PYROXD2: variants seen among roughly 807,000 people sequenced by gnomAD.
PYROXD2 encodes pyridine nucleotide-disulfide oxidoreductase domain-containing protein 2.
A neutral mutation model predicts 71.1 loss-of-function variants in PYROXD2; 69 were observed. That is an observed-to-expected ratio of 0.97 (90% CI 0.80 to 1.19). The LOEUF (loss-of-function observed/expected upper bound fraction) is 1.19, where lower values mean the gene tolerates loss of function less well. Among genes scored for constraint, PYROXD2 ranks in the 50% most tolerant of loss-of-function variants. The probability of loss-of-function intolerance (pLI) is 0.00; values close to 1 mark genes in which losing one functional copy is unlikely to be tolerated. For synonymous variants in PYROXD2, 287 were observed against 302.7 expected (o/e 0.95, Z 0.54); for missense variants, 745 against 748.9 (o/e 0.99, Z 0.06).
intron 11 of PYROXD2, 67 bp downstream of exon 11, chr10:98,390,943 C>G: frequency 7.0e-7 from 1 of 1,419,542 alleles, no homozygotes. Flanking sequence ...TCAGCTGCCC[C>G]CAGCCTGGAG....
chr10:98,397,318 T>G, intron 6 of PYROXD2, 27 bp downstream of exon 6: 1 of 1,554,856 alleles, frequency 6.4e-7, no homozygotes, highest in Non-Finnish European at 8.7e-7. Flanking sequence ...TCACTCATCA[T>G]GCCCTGGTGC....
chr10:98,408,699 C>T (rs1031840182), intron 2 of PYROXD2, among the ~76,000 whole-genome samples: 1 of 152,118 alleles, frequency 6.6e-6, no homozygotes, highest in African/African-American at 2.4e-5. Flanking sequence ...GTGGAAAAAT[C>T]AATAAATATT....
intron 4 of PYROXD2, among the ~76,000 whole-genome samples, chr10:98,404,572 A>C (rs536742665): frequency 6.6e-5 from 10 of 152,210 alleles, no homozygotes; most frequent in South Asian, 6.2e-4. Context: ...AAAAAAACCC[A>C]AAAAAACAAA....
rs1564789014 is a variant in PYROXD2, at chr10:98,385,075, G to A, written c.1555-8C>T. ...GGCGCAGTGGAATATGTTCTGCAGA[G>A]GCAGGGCCACAGTCATCAGCACAGG... On this transcript the variant is annotated splice_region_variant and splice_polypyrimidine_tract_variant and intron_variant, in intron 14 of 15. Coordinates refer to ENST00000370575, the MANE Select transcript of PYROXD2 (RefSeq NM_032709.3). The A allele has an allele frequency of 6.2e-7, 1 of 1,613,488 alleles. No homozygotes were observed. The highest frequency in any genetic ancestry group is 8.5e-7 in the Non-Finnish European group (1 of 1,179,862).
intron 7 of PYROXD2, 36 bp from the exon 8 acceptor site, chr10:98,395,329 G>T (rs369356386): frequency 1.9e-6 from 3 of 1,613,282 alleles, no homozygotes; most frequent in East Asian, 4.5e-5. Context: ...GGGCTTAGGA[G>T]CCTGGATGGG....
rs1283463475 is a variant in PYROXD2 at position 98,407,627 on chromosome 10, C to G, written c.270G>C (p.Leu90=). Residue 90 remains leucine, a synonymous_variant, in exon 4 of 16, where the codon CTG becomes CTC. Coordinates refer to ENST00000370575, the MANE Select transcript of PYROXD2 (RefSeq NM_032709.3). ...AAATCTGCGGCCTCAGCAGGCTGAG[C>G]AGGTAGGACGCGCGGGAGAACTTAA... The part of the protein sequence containing the change: ...PGFKFSRASY[L]LSLLRPQIYT... The G allele has an allele frequency of 6.2e-7, 1 of 1,613,836 alleles. No individual in the cohort carries two copies. The highest frequency in any genetic ancestry group is 1.7e-5 in the Admixed American group (1 of 59,964).
intron 8 of PYROXD2, 127 bp downstream of exon 8, chr10:98,395,069 C>G (rs1380552246): frequency 6.4e-6 from 5 of 777,566 alleles, no homozygotes; most frequent in African/African-American, 3.4e-5. Flanking sequence ...GTGCCTGGCT[C>G]GGTTCCTGGC....
At chr10:98,385,468 C>T (rs1842720482) in intron 14 of PYROXD2, among the ~76,000 whole-genome samples, 1 of 152,366 alleles carries the variant, frequency 6.6e-6, no homozygotes, top group Admixed American at 6.5e-5. Context: ...TGTCCAAGCT[C>T]CAGCAGGATC....
chr10:98,411,825 A>G (rs1027399440), intron 1 of PYROXD2: 1 of 152,260 alleles, frequency 6.6e-6, no homozygotes, highest in African/African-American at 2.4e-5. Context: ...CCATATGAGA[A>G]GCATGTGAGA....
At chr10:98,390,085 C>T (rs1368491166) in intron 12 of PYROXD2, among the ~76,000 whole-genome samples, 1 of 152,186 alleles carries the variant, frequency 6.6e-6, no homozygotes, top group Non-Finnish European at 1.5e-5. Context: ...AGGTTTTCAA[C>T]AGTGTGTGCT....
chr10:98,402,124 C>T (rs1843433581), intron 4 of PYROXD2, among the ~76,000 whole-genome samples: 1 of 152,156 alleles, frequency 6.6e-6, no homozygotes, highest in African/African-American at 2.4e-5. Flanking sequence ...GGAATTTTTT[C>T]AGCTCCATTG....
chr10:98,392,913 A>G (rs370350320), intron 9 of PYROXD2, 29 bp downstream of exon 9: 1 of 1,607,586 alleles, frequency 6.2e-7, no homozygotes, highest in Admixed American at 1.7e-5. Flanking sequence ...CCTTACTAAT[A>G]ATTGGGGTGG....
At chr10:98,409,342 G>A (rs1843712086) in intron 2 of PYROXD2, among the ~76,000 whole-genome samples, 1 of 152,188 alleles carries the variant, frequency 6.6e-6, no homozygotes, top group Non-Finnish European at 1.5e-5. Context: ...CAGTTGCAGG[G>A]CTGTCCCTCC....
intron 9 of PYROXD2, 105 bp downstream of exon 9, chr10:98,392,837 T>C (rs2135946955): frequency 1.5e-6 from 2 of 1,331,896 alleles, no homozygotes; most frequent in Admixed American, 4.0e-5. Context: ...CATCCCCTCA[T>C]GGCCCCTCTG....
At position 98,388,384 on chromosome 10, in the gene PYROXD2, C is replaced by T. The variant is rs750782236; in HGVS notation, c.1417G>A (p.Glu473Lys). The change falls in exon 13 of 16, where the codon GAG becomes AAG. Residue 473 changes from glutamate (E) to lysine (K), a missense_variant. Glu to Lys is a moderately conservative substitution (Grantham distance 56). Coordinates refer to ENST00000370575, the MANE Select transcript of PYROXD2 (RefSeq NM_032709.3). The part of the protein sequence containing the change: ...YTLAGGKAWD[E>K]QERDAYADRV... The stretch of plus-strand genomic sequence containing the variant: ...TCTGCATAAGCGTCTCTCTCCTGCT[C>T]GTCCCAGGCCTTGCCTCCAGCCAGC... 1.4e-5 allele frequency: 22 copies of T among 1,613,638 alleles called. No individual in the cohort carries two copies. The highest frequency in any genetic ancestry group is 3.3e-5 in the Admixed American group (2 of 59,976).
intron 4 of PYROXD2, among the ~76,000 whole-genome samples, chr10:98,405,391 A>T (rs1318234831): frequency 1.3e-5 from 2 of 152,168 alleles, no homozygotes; most frequent in African/African-American, 4.8e-5. Flanking sequence ...CTCTAATTGG[A>T]TACAGCCTTA....
chr10:98,407,934 C>A lies in PYROXD2; in HGVS notation c.211G>T (p.Gly71Cys), dbSNP rs1479244962. 6.2e-7 allele frequency: 1 copy of A among 1,610,814 alleles called. No individual in the cohort carries two copies. Among genetic ancestry groups the A allele is most frequent in the Admixed American group, 1.7e-5 (1 of 59,804 alleles). The stretch of plus-strand genomic sequence containing the variant: ...ATGATCTCCTCAGTGACAGCTGCAC[C>A]CCCGATCACATGGCGCCTCTCGAAG... Reference protein sequence around the residue: ...AVFERRHVIGGAAVTEEIIPG... With the variant: ...AVFERRHVIGCAAVTEEIIPG... The change falls in exon 3 of 16, where the codon GGT (glycine) becomes TGT (cysteine). Residue 71 changes from glycine (G) to cysteine (C), a missense_variant. Physicochemically the swap from Gly to Cys is radical, Grantham distance 159. Transcript: ENST00000370575.
intron 1 of PYROXD2, chr10:98,411,419 C>T (rs1344404578): frequency 6.0e-6 from 1 of 166,322 alleles, no homozygotes. Flanking sequence ...TAGTTGCTAT[C>T]AAGCGCGGCT....
At chr10:98,393,881 C>T (rs1410704157) in intron 8 of PYROXD2, among the ~76,000 whole-genome samples, 1 of 152,184 alleles carries the variant, frequency 6.6e-6, no homozygotes, top group Non-Finnish European at 1.5e-5. Flanking sequence ...ACTAACAGAA[C>T]CTCTCGATTT....
Sources: gnomAD v4.1 joint callset for allele counts (sites outside exome capture counted in the v4.1 genomes callset) on GRCh38, gnomAD v4.1.1 for gene constraint, MANE v1.5 for transcripts, NCBI Gene and HGNC (gene_info 2026-07-23, HGNC 2026-07-21) for gene names.